The following NRXN3 variants were observed in gnomAD, a reference collection of about 807,000 sequenced individuals.
NRXN3 encodes the protein neurexin III.
In NRXN3, 32 loss-of-function variants were observed where a neutral mutation model predicts 137.6. The observed-to-expected ratio is 0.23, with a 90% CI of 0.18 to 0.31. The LOEUF (loss-of-function observed/expected upper bound fraction) is 0.31, where lower values mean the gene tolerates loss of function less well. Ranked by LOEUF, NRXN3 falls within the 10% of genes least tolerant of loss-of-function variation. NRXN3 has a pLI of 1.00. For missense variants in NRXN3, 1,574 were observed against 2,062.5 expected, an observed-to-expected ratio of 0.76 and a Z score of 4.59; for synonymous variants, 798 against 784.5, an observed-to-expected ratio of 1.02 and a Z score of -0.29.
At chr14:79,113,338 G>T (rs940011059) in intron 15 of NRXN3, among the ~76,000 whole-genome samples, 1 of 152,102 alleles carries the variant, frequency 6.6e-6, no homozygotes, top group African/African-American at 2.4e-5. Flanking sequence ...GGGACCTTTT[G>T]AATGTCTCCA....
At chr14:78,390,213 C>T (rs1339522766) in intron 4 of NRXN3, among the ~76,000 whole-genome samples, 1 of 152,168 alleles carries the variant, frequency 6.6e-6, no homozygotes, top group Non-Finnish European at 1.5e-5. Context: ...CAGTAAGTAT[C>T]TAGAGCAGTG....
chr14:78,933,648 T>G (rs1216409177), intron 10 of NRXN3, among the ~76,000 whole-genome samples: 1 of 152,212 alleles, frequency 6.6e-6, no homozygotes, highest in Non-Finnish European at 1.5e-5. Flanking sequence ...TTAATCATAA[T>G]TTAAATAGCT....
chr14:78,993,106 G>A (rs938301998), intron 15 of NRXN3, among the ~76,000 whole-genome samples: 7 of 152,236 alleles, frequency 4.6e-5, no homozygotes, highest in African/African-American at 1.7e-4. Context: ...AGATAGTGGA[G>A]TGTAAAGCGT....
chr14:79,192,619 T>G (rs1482693519), intron 15 of NRXN3, among the ~76,000 whole-genome samples: 2 of 152,150 alleles, frequency 1.3e-5, no homozygotes, highest in Non-Finnish European at 2.9e-5. Flanking sequence ...AGAATTACCA[T>G]GTAGATATCA....
rs1280881755 is a variant in NRXN3 at position 78,711,246 on chromosome 14, A to G, written c.1660+1591A>G. 8.5e-5 allele frequency among the ~76,000 whole-genome samples: 13 copies of G among 152,218 alleles called. No individual in the cohort carries two copies. In the East Asian group the frequency reaches 1.7e-3, roughly 20 times the overall value. On this transcript the variant is annotated intron_variant, in intron 7 of 20. Transcript: ENST00000335750. ...ACCCGTGTCTCAGGCAGGCTAAAAC[A>G]CACAAAATTGCCATTTGTTCATTTC...
intron 10 of NRXN3, among the ~76,000 whole-genome samples, chr14:78,851,956 C>T (rs569096659): frequency 5.3e-5 from 8 of 152,014 alleles, no homozygotes; most frequent in Middle Eastern, 3.4e-3. Flanking sequence ...CCTTAATAGA[C>T]CTTTATTTTA....
At chr14:79,069,601 G>C (rs2099684996) in intron 15 of NRXN3, among the ~76,000 whole-genome samples, 1 of 150,902 alleles carries the variant, frequency 6.6e-6, no homozygotes, top group Admixed American at 6.6e-5. Flanking sequence ...CCACTTTTCT[G>C]ATGAGTTAAA....
chr14:78,548,635 T>C (rs1198668768), intron 4 of NRXN3, among the ~76,000 whole-genome samples: 1 of 152,222 alleles, frequency 6.6e-6, no homozygotes, highest in African/African-American at 2.4e-5. Context: ...CCTCCCTTTT[T>C]ACCTGTTCTA....
At chr14:79,623,224 G>A (rs1453760753) in intron 16 of NRXN3, among the ~76,000 whole-genome samples, 2 of 152,172 alleles carry the variant, frequency 1.3e-5, no homozygotes, top group Non-Finnish European at 2.9e-5. Flanking sequence ...CTGCAGAGCA[G>A]GTGTGGGCAG....
At chr14:78,415,929 A>G (rs1168866205) in intron 4 of NRXN3, among the ~76,000 whole-genome samples, 1 of 151,966 alleles carries the variant, frequency 6.6e-6, no homozygotes, top group Non-Finnish European at 1.5e-5. Context: ...TAGAAACATG[A>G]GATATAAATG....
intron 15 of NRXN3, among the ~76,000 whole-genome samples, chr14:79,383,045 T>C (rs1024583515): frequency 9.2e-5 from 14 of 152,060 alleles, no homozygotes; most frequent in African/African-American, 2.4e-5. Context: ...GAAAAACTTT[T>C]GATGATATTG....
chr14:78,715,146 C>T lies in NRXN3; in HGVS notation c.2044+7C>T. ...GGAAGAACCTGCGAAAGGGGTGAGT[C>T]GGCCTAGAGGATGGCAAGTGAGGGC... On this transcript the variant is annotated splice_region_variant and intron_variant, in intron 8 of 20. Transcript: ENST00000335750. 2.5e-6 allele frequency: 4 copies of T among 1,602,762 alleles called. No homozygotes were observed. The highest frequency in any genetic ancestry group is 2.6e-6 in the Non-Finnish European group (3 of 1,176,272).
chr14:79,633,237 T>A (rs1426149801), intron 16 of NRXN3: 2 of 152,164 alleles, frequency 1.3e-5, no homozygotes, highest in Non-Finnish European at 2.9e-5. Flanking sequence ...ATTTAAGCCA[T>A]GCTTTGTCTT....
chr14:78,385,612 T>C (rs1171487707), intron 4 of NRXN3, among the ~76,000 whole-genome samples: 1 of 152,168 alleles, frequency 6.6e-6, no homozygotes, highest in East Asian at 1.9e-4. Context: ...TGGGAAATAT[T>C]CTATGTATGA....
intron 10 of NRXN3, among the ~76,000 whole-genome samples, chr14:78,863,163 C>CA (rs2099077442): frequency 6.6e-6 from 1 of 152,106 alleles, no homozygotes; most frequent in Non-Finnish European, 1.5e-5. Context: ...AGTCAGGCTA[C>CA]AATACAACAT....
chr14:78,803,661 A>T lies in NRXN3; in HGVS notation c.2086A>T (p.Ile696Phe). Residue 696 changes from isoleucine to phenylalanine, a missense_variant, in exon 9 of 21, where the codon ATC (isoleucine) becomes TTC (phenylalanine). Coordinates refer to ENST00000335750, the MANE Select transcript of NRXN3 (RefSeq NM_001330195.2). ...CTATGATGGTAGCATGTACATGAAG[A>T]TCATCATGCCCATGGTCATGCATAC... ...LSYDGSMYMK[I>F]IMPMVMHTEA... is the part of the protein sequence containing the mutation. 1 of 1,614,156 alleles carries T rather than the reference A, an allele frequency of 6.2e-7. No individual in the cohort carries two copies.
At position 78,855,819 on chromosome 14, in the gene NRXN3, C is replaced by T. The variant is rs938544630; in HGVS notation, c.2275+45475C>T. Reference sequence around the variant, plus strand: ...TTCTTATTAGGCATTCTAAGGAGAGCTTGTTACTGACATTCTGCAGAACTT... The same window carrying T: ...TTCTTATTAGGCATTCTAAGGAGAGTTTGTTACTGACATTCTGCAGAACTT... On this transcript the variant is annotated intron_variant, in intron 10 of 20. Transcript: ENST00000335750. Among the ~76,000 whole-genome samples the T allele has an allele frequency of 2.0e-5, 3 of 152,260 alleles. No individual in the cohort carries two copies. In the East Asian group the frequency reaches 5.8e-4, roughly 29 times the overall value.
At chr14:78,232,882 G>T (rs1050358616) in intron 1 of NRXN3, among the ~76,000 whole-genome samples, 1 of 152,220 alleles carries the variant, frequency 6.6e-6, no homozygotes, top group Non-Finnish European at 1.5e-5. Context: ...AAGGGAGGAG[G>T]CTGAAAAGTA....
intron 4 of NRXN3, among the ~76,000 whole-genome samples, chr14:78,600,253 A>G (rs1248217654): frequency 6.6e-6 from 1 of 152,222 alleles, no homozygotes; most frequent in African/African-American, 2.4e-5. Flanking sequence ...CAAATAGGGA[A>G]AGATGGCTGG....
Sources: allele counts gnomAD v4.1 joint callset (sites outside exome capture counted in the v4.1 genomes callset), GRCh38; gene constraint gnomAD v4.1.1; transcripts MANE v1.5; gene names NCBI Gene and HGNC (gene_info 2026-07-23, HGNC 2026-07-21).